The following WDR70 variants were observed in gnomAD, a reference collection of about 807,000 sequenced individuals.
WDR70 encodes WD repeat-containing protein 70.
In WDR70, 53 loss-of-function variants were observed where a neutral mutation model predicts 88.6. The ratio of observed to expected loss-of-function variants is 0.60; its 90% CI spans 0.48 to 0.75. The LOEUF is 0.75. WDR70 is among the 30% of genes least tolerant of loss of function. The pLI, the probability that WDR70 is intolerant of heterozygous loss-of-function variation, is 0.00. For missense variants in WDR70, 610 were observed against 823.2 expected (o/e 0.74, Z 3.17); for synonymous variants, 280 against 270.0 (o/e 1.04, Z -0.36).
chr5:37,556,077 A>G (rs57700562), intron 9 of WDR70, among the ~76,000 whole-genome samples: 6,070 of 151,822 alleles, frequency 0.04, 436 homozygotes, highest in African/African-American at 0.14. Flanking sequence ...TTTCTCTATT[A>G]TAAATAGTAT....
At chr5:37,445,022 A>T (rs1018762224) in intron 7 of WDR70, among the ~76,000 whole-genome samples, 4 of 152,104 alleles carry the variant, frequency 2.6e-5, no homozygotes, top group African/African-American at 9.7e-5. Context: ...CTGGTTCCTA[A>T]CAGGCCATAG....
intron 10 of WDR70, among the ~76,000 whole-genome samples, chr5:37,634,975 C>T (rs1474780893): frequency 1.3e-5 from 2 of 152,140 alleles, no homozygotes; most frequent in African/African-American, 2.4e-5. Context: ...GCCTATTACC[C>T]TCTTTCCCTA....
chr5:37,686,506 T>A (rs1746603956), intron 10 of WDR70, among the ~76,000 whole-genome samples: 1 of 150,770 alleles, frequency 6.6e-6, no homozygotes, highest in Non-Finnish European at 1.5e-5. Flanking sequence ...GGCGGGAAGA[T>A]CGCTTGAGCC....
At chr5:37,397,573 A>G (rs1446554936) in intron 5 of WDR70, among the ~76,000 whole-genome samples, 3 of 152,236 alleles carry the variant, frequency 2.0e-5, no homozygotes, top group Non-Finnish European at 4.4e-5. Context: ...ATTATTGTCA[A>G]CAATGAAGTA....
Position 37,379,366 on chromosome 5 carries a change from C to T in WDR70, c.-2C>T, listed in dbSNP as rs1209211052. The T allele has an allele frequency of 1.5e-5, 25 of 1,613,472 alleles. No homozygotes were observed. The highest frequency in any genetic ancestry group is 1.9e-5 in the Non-Finnish European group (23 of 1,179,810). On this transcript the variant is annotated 5_prime_UTR_variant, in exon 1 of 18. Coordinates refer to ENST00000265107, the MANE Select transcript of WDR70 (RefSeq NM_018034.4). Reference sequence around the variant, plus strand: ...GGCTGGTTCTGGGGTGTGCGGCCAGCCATGGAGCGCTCTGGGCCCAGCGAA... The same window carrying T: ...GGCTGGTTCTGGGGTGTGCGGCCAGTCATGGAGCGCTCTGGGCCCAGCGAA...
At position 37,726,817 on chromosome 5, in the gene WDR70, A is replaced by G. The variant is rs949382622; in HGVS notation, c.1715-66A>G. ...TTGTGCTCAGATAAGTACAGTGTAC[A>G]CAGATATACCTATGTATCCTCATGC... On this transcript the variant is annotated intron_variant, in intron 16 of 17. Coordinates refer to ENST00000265107, the MANE Select transcript of WDR70 (RefSeq NM_018034.4). 5 of 1,485,712 alleles carry G rather than the reference A, an allele frequency of 3.4e-6. No homozygotes were observed. The Admixed American group carries it at 7.1e-5, about 21-fold the overall frequency. 92.0% of individuals were successfully genotyped at this position (1,485,712 alleles called of 1,614,324 possible). A position where few individuals can be genotyped will look rare whatever the true frequency, so the allele number is the denominator to read the frequency against.
intron 9 of WDR70, among the ~76,000 whole-genome samples, chr5:37,531,446 C>T (rs374311206): frequency 3.3e-5 from 5 of 151,850 alleles, no homozygotes; most frequent in South Asian, 2.1e-4. Context: ...TTTATAAATT[C>T]GGGAGCTCCA....
At chr5:37,614,007 G>C (rs377154080) in intron 10 of WDR70, among the ~76,000 whole-genome samples, 1 of 152,134 alleles carries the variant, frequency 6.6e-6, no homozygotes, top group East Asian at 1.9e-4. Context: ...TTACATTTTT[G>C]GATGGTTGTA....
At chr5:37,531,818 C>CTT (rs147719349) in intron 9 of WDR70, among the ~76,000 whole-genome samples, 1 of 148,096 alleles carries the variant, frequency 6.8e-6, no homozygotes, top group African/African-American at 2.5e-5. Context: ...GCCTGAATAC[C>CTT]TTTTTTTTTT....
At chr5:37,627,728 A>T (rs961989310) in intron 10 of WDR70, among the ~76,000 whole-genome samples, 2 of 152,076 alleles carry the variant, frequency 1.3e-5, no homozygotes, top group South Asian at 4.2e-4. Flanking sequence ...ATGTGTTGGT[A>T]TAGTTTTGAA....
intron 7 of WDR70, among the ~76,000 whole-genome samples, chr5:37,451,772 G>T: frequency 6.6e-6 from 1 of 152,270 alleles, no homozygotes; most frequent in Non-Finnish European, 1.5e-5. Context: ...AAGGCAGGCG[G>T]ATCATGAGGT....
Position 37,494,234 on chromosome 5 carries a change from T to C in WDR70, c.840+14247T>C, listed in dbSNP as rs1202693381. Among the ~76,000 whole-genome samples, 4 of 152,154 alleles carry C rather than the reference T, an allele frequency of 2.6e-5. No individual in the cohort carries two copies. In the East Asian group the frequency reaches 7.7e-4, roughly 29 times the overall value. On this transcript the variant is annotated intron_variant, in intron 8 of 17. Transcript: ENST00000265107. ...ATGCCTCCATCTATTAGCAGAGACA[T>C]TTCCTAGTTTTGTATTGGGAGATAT...
At chr5:37,490,534 C>T (rs1740035982) in intron 8 of WDR70, among the ~76,000 whole-genome samples, 1 of 152,164 alleles carries the variant, frequency 6.6e-6, no homozygotes, top group South Asian at 2.1e-4. Context: ...CCTCAAGGCA[C>T]ATGTACCACA....
intron 8 of WDR70, among the ~76,000 whole-genome samples, chr5:37,481,230 C>G (rs971133503): frequency 2.6e-5 from 4 of 152,154 alleles, no homozygotes; most frequent in South Asian, 2.1e-4. Flanking sequence ...TGGCCGTTTT[C>G]TCACAGCTCT....
At chr5:37,666,828 CACATGTCTAG>C (rs770696010) in intron 10 of WDR70, among the ~76,000 whole-genome samples, 76 of 152,268 alleles carry the variant, frequency 5.0e-4, no homozygotes, top group Admixed American at 8.5e-4. Flanking sequence ...CCTTACTGGT[CACATGTCTAG>C]GGTAACTAAC....
intron 9 of WDR70, among the ~76,000 whole-genome samples, chr5:37,566,441 AC>A (rs773412130): frequency 4.0e-5 from 6 of 151,748 alleles, no homozygotes; most frequent in African/African-American, 7.3e-5. Context: ...TTTTTCTTTA[AC>A]CCCCAAATCA....
intron 6 of WDR70, among the ~76,000 whole-genome samples, chr5:37,441,654 T>TA (rs1172897459): frequency 6.6e-6 from 1 of 151,864 alleles, no homozygotes; most frequent in African/African-American, 2.4e-5. Flanking sequence ...CCTTCTCTAC[T>TA]AAAAAATACA....
intron 9 of WDR70, among the ~76,000 whole-genome samples, chr5:37,564,411 C>T (rs1291511906): frequency 1.3e-5 from 2 of 152,134 alleles, no homozygotes; most frequent in African/African-American, 4.8e-5. Context: ...CCTGCAATCG[C>T]AGGCACTGGG....
intron 9 of WDR70, among the ~76,000 whole-genome samples, chr5:37,531,210 T>A (rs1051718566): frequency 5.9e-5 from 9 of 152,192 alleles, no homozygotes; most frequent in Non-Finnish European, 8.8e-5. Flanking sequence ...TTGTGGCATA[T>A]CATATGGTCT....
Sources: allele counts gnomAD v4.1 joint callset (sites outside exome capture counted in the v4.1 genomes callset), GRCh38; gene constraint gnomAD v4.1.1; transcripts MANE v1.5; gene names NCBI Gene and HGNC (gene_info 2026-07-23, HGNC 2026-07-21).